Variants in ATAT1 observed in about 807,000 individuals in gnomAD.
ATAT1 encodes the protein alpha-tubulin N-acetyltransferase 1.
ATAT1 carries 42 observed loss-of-function variants against 57.2 expected under a neutral mutation model. The observed-to-expected ratio is 0.73, with a 90% CI of 0.57 to 0.95. The LOEUF (loss-of-function observed/expected upper bound fraction) is 0.95. ATAT1 is among the 40% of genes least tolerant of loss of function. The pLI, the probability that ATAT1 is intolerant of heterozygous loss-of-function variation, is 0.00. For missense variants in ATAT1, 454 were observed against 523.7 expected, an observed-to-expected ratio of 0.87 and a Z score of 1.30; for synonymous variants, 168 against 187.1, an observed-to-expected ratio of 0.90 and a Z score of 0.83.
intron 10 of ATAT1, chr6:30,643,939 T>C (rs530286715): frequency 1.0e-4 from 109 of 1,093,874 alleles, no homozygotes; most frequent in Admixed American, 1.4e-4. Flanking sequence ...CCAGGGAAAC[T>C]TTTTAAGGAA....
intron 10 of ATAT1, chr6:30,643,888 C>G (rs938032847): frequency 1.6e-6 from 2 of 1,243,572 alleles, no homozygotes; most frequent in Non-Finnish European, 2.0e-6. Flanking sequence ...TGCTTGCTGT[C>G]AAACTTTAGA....
intron 5 of ATAT1, 91 bp from the exon 6 acceptor site, chr6:30,628,238 A>G: frequency 1.3e-6 from 2 of 1,529,456 alleles, no homozygotes; most frequent in Non-Finnish European, 9.0e-7. Flanking sequence ...CCATGTTCCC[A>G]TGTCATTCTA....
chr6:30,646,328 T>C, intron 12 of ATAT1, 141 bp from the exon 13 acceptor site: 2 of 1,447,028 alleles, frequency 1.4e-6, no homozygotes, highest in Non-Finnish European at 1.8e-6. Context: ...GGTTTTAAAT[T>C]TGGACATAGC....
intron 10 of ATAT1, chr6:30,644,176 G>T (rs1173071851): frequency 1.0e-6 from 1 of 985,702 alleles, no homozygotes; most frequent in Non-Finnish European, 1.2e-6. Context: ...TAGGTGTCAG[G>T]GAACCCCAAA....
In ATAT1 at chr6:30,642,263, G is replaced by A; in HGVS notation, c.688+16G>A. 2 of 1,613,998 alleles carry A rather than the reference G, an allele frequency of 1.2e-6. No individual in the cohort carries two copies. Among genetic ancestry groups the A allele is most frequent in the Non-Finnish European group, 1.7e-6 (2 of 1,180,022 alleles). Reference sequence around the variant, plus strand: ...GACCGAGAATGTAAGAGGGGCAAGGGTCGGGTGTCTGGGCCTGGGGTACCT... The same window carrying A: ...GACCGAGAATGTAAGAGGGGCAAGGATCGGGTGTCTGGGCCTGGGGTACCT... On this transcript the variant is annotated intron_variant, in intron 9 of 12. Coordinates refer to ENST00000330083, the MANE Select transcript of ATAT1 (RefSeq NM_001031722.4).
intron 6 of ATAT1, among the ~76,000 whole-genome samples, chr6:30,639,113 T>G (rs1317154072): frequency 6.6e-6 from 1 of 152,102 alleles, no homozygotes; most frequent in Non-Finnish European, 1.5e-5. Context: ...CCCAAGTAGC[T>G]AGGATTACAG....
At chr6:30,642,298 G>C in intron 9 of ATAT1, 51 bp downstream of exon 9, 1 of 1,609,892 alleles carries the variant, frequency 6.2e-7, no homozygotes, top group Non-Finnish European at 8.5e-7. Flanking sequence ...TTAACACAAG[G>C]GAAGAGAATG....
At chr6:30,644,326 A>T in intron 10 of ATAT1, 1 of 972,664 alleles carries the variant, frequency 1.0e-6, no homozygotes, top group Non-Finnish European at 1.2e-6. Context: ...CCCTTCTTGC[A>T]TCCATCCCTC....
chr6:30,636,807 T>TG (rs1764198357), intron 6 of ATAT1, among the ~76,000 whole-genome samples: 1 of 151,808 alleles, frequency 6.6e-6, no homozygotes, highest in African/African-American at 2.4e-5. Context: ...CACAGTTTTT[T>TG]TTTGTTTGTT....
rs1259617754 is a variant in ATAT1, at chr6:30,626,874, G to T, written c.-330G>T. On this transcript the variant is annotated 5_prime_UTR_variant, in exon 1 of 13. Coordinates refer to ENST00000330083, the MANE Select transcript of ATAT1 (RefSeq NM_001031722.4). Reference sequence around the variant, plus strand: ...CGTCGTGTGGGGCGGGTCCGACCGCGCACAATGGGCCATGGAGTTCCCGTT... The same window carrying T: ...CGTCGTGTGGGGCGGGTCCGACCGCTCACAATGGGCCATGGAGTTCCCGTT... 1.3e-6 allele frequency: 2 copies of T among 1,599,574 alleles called. No individual in the cohort carries two copies. The highest frequency in any genetic ancestry group is 1.1e-5 in the South Asian group (1 of 89,212).
At chr6:30,645,255 C>T (rs1037352621) in intron 10 of ATAT1, among the ~76,000 whole-genome samples, 6 of 148,376 alleles carry the variant, frequency 4.0e-5, no homozygotes, top group South Asian at 2.1e-4. Flanking sequence ...CTTGCTCTGT[C>T]GCCAGGCTGG....
intron 6 of ATAT1, among the ~76,000 whole-genome samples, chr6:30,632,963 C>T (rs1224032178): frequency 2.0e-5 from 3 of 149,312 alleles, no homozygotes; most frequent in African/African-American, 5.0e-5. Context: ...AAAATGGAAA[C>T]GGCAATAAGG....
At position 30,646,567 on chromosome 6, in the gene ATAT1, G is replaced by A. The variant is rs1399569955; in HGVS notation, c.1154G>A (p.Trp385Ter). The A allele has an allele frequency of 1.9e-6, 3 of 1,582,364 alleles. No individual in the cohort carries two copies. The highest frequency in any genetic ancestry group is 1.7e-6 in the Non-Finnish European group (2 of 1,164,570). Residue 385 changes from tryptophan to a stop codon, truncating the protein, a stop_gained, in exon 13 of 13, where the codon TGG becomes TAG. Transcript: ENST00000330083. LOFTEE classifies it high-confidence loss of function. The stretch of plus-strand genomic sequence containing the variant: ...GCCCCGGCCCCGCCAGCCCAGTCCT[G>A]GACAGTGGGTGGGGACATACTCAAC...
intron 10 of ATAT1, chr6:30,643,935 A>C: frequency 9.1e-7 from 1 of 1,102,914 alleles, no homozygotes; most frequent in Non-Finnish European, 1.1e-6. Context: ...TGTGCCAGGG[A>C]AACTTTTTAA....
intron 1 of ATAT1, 142 bp from the exon 2 acceptor site, chr6:30,627,318 A>G: frequency 4.3e-6 from 7 of 1,612,798 alleles, no homozygotes; most frequent in Non-Finnish European, 5.9e-6. Context: ...GTGGGAAATC[A>G]GATTGGAAGA....
intron 10 of ATAT1, chr6:30,643,571 C>T: frequency 6.4e-7 from 1 of 1,550,746 alleles, no homozygotes; most frequent in South Asian, 1.2e-5. Context: ...AACAGCTACC[C>T]TCTCCCTGCC....
Position 30,642,842 on chromosome 6 carries a change from C to G in ATAT1, c.763C>G (p.Pro255Ala). ...CCGCGCCACACCTCCAGCCCACCCA[C>G]CCCCCCGCTCCAGCAGCCTGGGAAA... is the stretch of plus-strand genomic sequence containing the variant. The change falls in exon 10 of 13, where the codon CCC (proline) becomes GCC (alanine). Residue 255 changes from proline to alanine, a missense_variant. Physicochemically the swap from Pro to Ala is conservative, Grantham distance 27. This residue lies in a region of ATAT1 where 216 missense variants were observed against 222.2 expected (regional missense o/e 0.97). Transcript: ENST00000330083. 1 of 1,082,546 alleles carries G rather than the reference C, an allele frequency of 9.2e-7. No individual in the cohort carries two copies. Among genetic ancestry groups the G allele is most frequent in the Non-Finnish European group, 1.3e-6 (1 of 747,566 alleles). The allele number at this position is 1,082,546 out of a possible 1,614,324, so 67.1% of individuals were successfully genotyped here.
In ATAT1 at chr6:30,643,009, C is replaced by G. The variant is rs749408487; in HGVS notation, c.930C>G (p.Thr310=). The G allele has an allele frequency of 9.9e-6, 16 of 1,611,614 alleles. No homozygotes were observed. The highest frequency in any genetic ancestry group is 1.2e-5 in the Non-Finnish European group (14 of 1,178,866). ...GCAGCCCAGCTCAACGTCGTCGCAC[C>G]AGGTAATAGGAGTTGAAGGGCTAAG... Residue 310 remains threonine (T), a splice_region_variant and synonymous_variant, in exon 10 of 13, where the codon ACC becomes ACG. Transcript: ENST00000330083.
chr6:30,627,141 G>A lies in ATAT1; in HGVS notation c.-63G>A. 7.5e-6 allele frequency: 12 copies of A among 1,607,866 alleles called. No homozygotes were observed. In the South Asian group the frequency reaches 1.3e-4, roughly 18 times the overall value. On this transcript the variant is annotated 5_prime_UTR_variant, in exon 1 of 13. Coordinates refer to ENST00000330083, the MANE Select transcript of ATAT1 (RefSeq NM_001031722.4). ...GGTGACCTCTGACCCTGGGCCTAGT[G>A]GGATTGATCAGCGCTTGGATCTGTG...
Sources: gnomAD v4.1 joint callset for allele counts (sites outside exome capture counted in the v4.1 genomes callset) on GRCh38, gnomAD v4.1.1 for gene constraint, gnomAD v4.1.1 regional missense constraint, MANE v1.5 for transcripts, NCBI Gene and HGNC (gene_info 2026-07-23, HGNC 2026-07-21) for gene names.